TBPL1: variants seen among roughly 807,000 people sequenced by gnomAD.
TBPL1 encodes the protein TATA-box binding protein like 1.
TBPL1 carries 4 observed loss-of-function variants against 22.1 expected under a neutral mutation model. That is an observed-to-expected ratio of 0.18 (90% CI 0.09 to 0.41). The LOEUF is 0.41. TBPL1 is among the 10% of genes least tolerant of loss of function. The pLI is 1.00. For missense variants in TBPL1, 115 were observed against 222.3 expected, an observed-to-expected ratio of 0.52 and a Z score of 3.07; for synonymous variants, 64 against 71.0, an observed-to-expected ratio of 0.90 and a Z score of 0.50.
At chr6:133,981,381 G>C (rs1279936109) in intron 2 of TBPL1, among the ~76,000 whole-genome samples, 1 of 152,124 alleles carries the variant, frequency 6.6e-6, no homozygotes, top group Admixed American at 6.5e-5. Flanking sequence ...CCTTCCTTTA[G>C]AAAAGTAATA....
intron 1 of TBPL1, among the ~76,000 whole-genome samples, chr6:133,973,266 G>T (rs957220366): frequency 6.6e-6 from 1 of 152,112 alleles, no homozygotes; most frequent in Non-Finnish European, 1.5e-5. Flanking sequence ...TTGCAAATCG[G>T]TCTATTATCA....
intron 1 of TBPL1, among the ~76,000 whole-genome samples, chr6:133,963,479 C>T (rs966916218): frequency 6.6e-5 from 10 of 152,148 alleles, no homozygotes; most frequent in Admixed American, 3.3e-4. Flanking sequence ...GACTGGAGTG[C>T]AGTGGTGTGA....
At chr6:133,967,491 G>A (rs554862665) in intron 1 of TBPL1, among the ~76,000 whole-genome samples, 16 of 152,296 alleles carry the variant, frequency 1.1e-4, no homozygotes, top group Admixed American at 3.3e-4. Flanking sequence ...ACAAGGATGT[G>A]TCCTGAGAAG....
At chr6:133,963,395 T>C (rs549443430) in intron 1 of TBPL1, among the ~76,000 whole-genome samples, 1 of 152,068 alleles carries the variant, frequency 6.6e-6, no homozygotes, top group East Asian at 1.9e-4. Flanking sequence ...ATCTTCATAG[T>C]TATTATCTTG....
At chr6:133,986,376 A>T (rs774795905) in intron 6 of TBPL1, among the ~76,000 whole-genome samples, 1 of 152,222 alleles carries the variant, frequency 6.6e-6, no homozygotes, top group Non-Finnish European at 1.5e-5. Context: ...GAATTAGCAT[A>T]ATGCATGGTC....
intron 1 of TBPL1, among the ~76,000 whole-genome samples, chr6:133,967,093 C>T (rs1749258909): frequency 6.6e-6 from 1 of 152,224 alleles, no homozygotes; most frequent in Admixed American, 6.5e-5. Flanking sequence ...CTCACCGTAG[C>T]CATGCTGATT....
At chr6:133,964,641 G>A (rs1776087283) in intron 1 of TBPL1, among the ~76,000 whole-genome samples, 1 of 151,718 alleles carries the variant, frequency 6.6e-6, no homozygotes. Context: ...GTAGAGATGG[G>A]GTTTTACCGT....
intron 1 of TBPL1, among the ~76,000 whole-genome samples, chr6:133,974,649 T>A (rs1776282649): frequency 6.6e-6 from 1 of 152,228 alleles, no homozygotes; most frequent in Non-Finnish European, 1.5e-5. Flanking sequence ...TTCTTATTGT[T>A]ACTGGTTGAC....
intron 6 of TBPL1, among the ~76,000 whole-genome samples, chr6:133,986,617 G>A (rs1385994134): frequency 1.3e-5 from 2 of 152,132 alleles, no homozygotes; most frequent in African/African-American, 4.8e-5. Context: ...AGATGATAGT[G>A]ACTTAAAGGA....
Position 133,980,132 on chromosome 6 carries a change from G to A in TBPL1, c.7G>A (p.Ala3Thr). MDADSDVALDILI... is the reference protein window; with the variant it reads MDTDSDVALDILI... ...AAATTTTAAAACCACCCCAATGGAT[G>A]CAGACAGTGATGTTGCATTGGACAT... Residue 3 changes from alanine (A) to threonine (T), a missense_variant, in exon 2 of 7, where the codon GCA becomes ACA. Physicochemically the swap from Ala to Thr is moderately conservative, Grantham distance 58. Transcript: ENST00000237264. 1 of 1,553,006 alleles carries A rather than the reference G, an allele frequency of 6.4e-7. No individual in the cohort carries two copies. The highest frequency in any genetic ancestry group is 8.7e-7 in the Non-Finnish European group (1 of 1,151,018).
chr6:133,982,623 GA>G lies in TBPL1; in HGVS notation c.196del (p.Ile66LeufsTer19). On this transcript the variant is annotated frameshift_variant, in exon 3 of 7. Transcript: ENST00000237264. LOFTEE classifies it high-confidence loss of function. ...PRITATIWSS[G>X]KIICTGATSE... is the part of the protein sequence containing the mutation. ...ATTACAGCTACAATTTGGTCCTCAG[GA>G]AAAATTATTTGCACTGGAGCAACAA... 6.2e-7 allele frequency: 1 copy of G among 1,613,318 alleles called. No homozygotes were observed. The highest frequency in any genetic ancestry group is 1.1e-5 in the South Asian group (1 of 90,836).
At position 133,973,136 on chromosome 6, in the gene TBPL1, T is replaced by C. The variant is rs368423118; in HGVS notation, c.-44-6946T>C. 1.3e-4 allele frequency among the ~76,000 whole-genome samples: 20 copies of C among 152,334 alleles called. No homozygotes were observed. The East Asian group carries it at 1.9e-3, about 15-fold the overall frequency. ...AATGTGTTGGGATTGGGACACAAAA[T>C]GTCTATTTCCTAATCTACTATTTGG... On this transcript the variant is annotated intron_variant, in intron 1 of 6. Transcript: ENST00000237264.
At chr6:133,977,857 C>G (rs1776341381) in intron 1 of TBPL1, among the ~76,000 whole-genome samples, 1 of 152,194 alleles carries the variant, frequency 6.6e-6, no homozygotes, top group Non-Finnish European at 1.5e-5. Context: ...TACTTGAGCT[C>G]TAGCTCTCAT....
chr6:133,953,183 A>T (rs1365568056), upstream of TBPL1: 1 of 152,628 alleles, frequency 6.6e-6, no homozygotes, highest in Non-Finnish European at 1.5e-5. Flanking sequence ...TATGCTCCCC[A>T]GCGTCTAGTC....
At chr6:133,980,888 A>C (rs532546930) in intron 2 of TBPL1, among the ~76,000 whole-genome samples, 6 of 151,840 alleles carry the variant, frequency 4.0e-5, no homozygotes, top group Admixed American at 6.6e-5. Flanking sequence ...AAAATTAAGA[A>C]TGTATCTCAA....
At chr6:133,977,800 G>A (rs1776340218) in intron 1 of TBPL1, among the ~76,000 whole-genome samples, 3 of 152,116 alleles carry the variant, frequency 2.0e-5, no homozygotes, top group South Asian at 2.1e-4. Flanking sequence ...CTTCTATCTT[G>A]TTGTTCTACC....
chr6:133,974,288 G>C (rs1168514840), intron 1 of TBPL1, among the ~76,000 whole-genome samples: 1 of 152,096 alleles, frequency 6.6e-6, no homozygotes, highest in Non-Finnish European at 1.5e-5. Context: ...GGTTGTTTCT[G>C]TTATAAATAA....
At chr6:133,984,710 A>T (rs1267085833) in intron 6 of TBPL1, 39 bp downstream of exon 6, 2 of 1,479,688 alleles carry the variant, frequency 1.4e-6, no homozygotes, top group African/African-American at 1.4e-5. Context: ...TCAATTATGG[A>T]TTGAATGATA....
chr6:133,982,596 G>A lies in TBPL1; in HGVS notation c.164G>A (p.Arg55Lys). 1 of 1,613,424 alleles carries A rather than the reference G, an allele frequency of 6.2e-7. No homozygotes were observed. Residue 55 changes from arginine (R) to lysine (K), a missense_variant, in exon 3 of 7, where the codon AGA becomes AAA. Physicochemically the swap from Arg to Lys is conservative, Grantham distance 26. Transcript: ENST00000237264. Reference protein sequence around the residue: ...GKVLMKLRKPRITATIWSSGK... With the variant: ...GKVLMKLRKPKITATIWSSGK... The stretch of plus-strand genomic sequence containing the variant: ...GTATTAATGAAGCTTAGAAAACCTA[G>A]AATTACAGCTACAATTTGGTCCTCA...
Sources: gnomAD v4.1 joint callset for allele counts (sites outside exome capture counted in the v4.1 genomes callset) on GRCh38, gnomAD v4.1.1 for gene constraint, MANE v1.5 for transcripts, NCBI Gene and HGNC (gene_info 2026-07-23, HGNC 2026-07-21) for gene names.